Variants in LYPLAL1 observed in about 807,000 individuals in gnomAD.
LYPLAL1 encodes the protein lysophospholipase-like protein 1.
LYPLAL1 carries 23 observed loss-of-function variants against 19.7 expected under a neutral mutation model. The observed-to-expected ratio is 1.17, with a 90% CI of 0.84 to 1.65. The LOEUF is 1.65. Ranked by LOEUF, LYPLAL1 falls within the 40% of genes most tolerant of loss-of-function variation. The pLI, the probability that LYPLAL1 is intolerant of heterozygous loss-of-function variation, is 0.00. For synonymous variants in LYPLAL1, 119 were observed against 96.3 expected, an observed-to-expected ratio of 1.24 and a Z score of -1.38; for missense variants, 355 against 279.4, an observed-to-expected ratio of 1.27 and a Z score of -1.93.
the LYPLAL1 span, among the ~76,000 whole-genome samples, chr1:219,229,320 AG>A: frequency 2.8e-4 from 42 of 149,846 alleles, no homozygotes; most frequent in African/African-American, 8.7e-4. Flanking sequence ...AGAGAGAGAG[AG>A]AGAGAGAGAG....
At chr1:219,278,629 T>C in the LYPLAL1 span, among the ~76,000 whole-genome samples, 3 of 152,224 alleles carry the variant, frequency 2.0e-5, no homozygotes, top group South Asian at 2.1e-4. Context: ...TGAAATTCTT[T>C]CTTATCTTTC....
chr1:219,400,772 T>G, the LYPLAL1 span, among the ~76,000 whole-genome samples: 1 of 152,326 alleles, frequency 6.6e-6, no homozygotes, highest in African/African-American at 2.4e-5. Flanking sequence ...AGTGCCGGGA[T>G]TATAGGCATG....
chr1:219,306,789 CAT>C, the LYPLAL1 span, among the ~76,000 whole-genome samples: 1 of 74,180 alleles, frequency 1.3e-5, no homozygotes, highest in Admixed American at 1.4e-4. Flanking sequence ...TAGATAGATA[CAT>C]AGACAGATGC....
At chr1:219,313,499 C>G in the LYPLAL1 span, among the ~76,000 whole-genome samples, 1 of 148,842 alleles carries the variant, frequency 6.7e-6, no homozygotes, top group Non-Finnish European at 1.5e-5. Flanking sequence ...TAGCATCTTA[C>G]GTTTTCAGAG....
intron 3 of LYPLAL1, among the ~76,000 whole-genome samples, chr1:219,205,500 G>A (rs1352653543): frequency 2.0e-5 from 3 of 152,080 alleles, no homozygotes; most frequent in Non-Finnish European, 4.4e-5. Context: ...CATTGAACAT[G>A]TAGAGTTAGT....
At chr1:219,182,395 T>C (rs977863646) in intron 2 of LYPLAL1, among the ~76,000 whole-genome samples, 13 of 152,126 alleles carry the variant, frequency 8.5e-5, no homozygotes, top group Non-Finnish European at 1.5e-5. Flanking sequence ...TAGCATAATA[T>C]GGCTTCATTT....
the LYPLAL1 span, among the ~76,000 whole-genome samples, chr1:219,245,793 A>T: frequency 6.6e-6 from 1 of 152,196 alleles, no homozygotes; most frequent in East Asian, 1.9e-4. Context: ...TAAGGAGATA[A>T]TTTCATCCTA....
chr1:219,210,326 C>T (rs145376799), intron 3 of LYPLAL1: 10 of 335,540 alleles, frequency 3.0e-5, no homozygotes, highest in African/African-American at 2.1e-4. Context: ...TAGAGCACAG[C>T]TCTCTTTACC....
At chr1:219,323,934 C>T in the LYPLAL1 span, among the ~76,000 whole-genome samples, 1 of 152,162 alleles carries the variant, frequency 6.6e-6, no homozygotes, top group Non-Finnish European at 1.5e-5. Flanking sequence ...GTCTCCTTAC[C>T]TTTCTGAACA....
the LYPLAL1 span, among the ~76,000 whole-genome samples, chr1:219,368,871 T>C: frequency 2.0e-5 from 3 of 152,246 alleles, no homozygotes; most frequent in Non-Finnish European, 4.4e-5. Flanking sequence ...GCAGTAACTA[T>C]GAATGAGCTG....
At chr1:219,337,030 G>A in the LYPLAL1 span, among the ~76,000 whole-genome samples, 1 of 152,068 alleles carries the variant, frequency 6.6e-6, no homozygotes, top group East Asian at 1.9e-4. Flanking sequence ...TTTAGAGGGT[G>A]CTAGCATTCC....
chr1:219,257,374 T>TC, the LYPLAL1 span, among the ~76,000 whole-genome samples: 4 of 146,552 alleles, frequency 2.7e-5, no homozygotes, highest in South Asian at 2.2e-4. Flanking sequence ...TTTTTTTTTT[T>TC]GGTTACTGTT....
the LYPLAL1 span, among the ~76,000 whole-genome samples, chr1:219,416,828 G>GT: frequency 6.6e-6 from 1 of 152,136 alleles, no homozygotes; most frequent in African/African-American, 2.4e-5. Flanking sequence ...GTTGCTGCTG[G>GT]TTTTTTCTCT....
the LYPLAL1 span, among the ~76,000 whole-genome samples, chr1:219,402,215 T>C: frequency 3.3e-5 from 5 of 152,182 alleles, no homozygotes; most frequent in African/African-American, 1.2e-4. Context: ...ATGCCAACAT[T>C]TTATATAATG....
chr1:219,344,007 T>G, the LYPLAL1 span, among the ~76,000 whole-genome samples: 7 of 152,204 alleles, frequency 4.6e-5, no homozygotes, highest in Admixed American at 4.6e-4. Context: ...TTAAATTCTG[T>G]AGCAACTTGA....
At chr1:219,408,682 A>C in the LYPLAL1 span, among the ~76,000 whole-genome samples, 1 of 151,916 alleles carries the variant, frequency 6.6e-6, no homozygotes, top group Non-Finnish European at 1.5e-5. Flanking sequence ...TTTCAAGGAG[A>C]AGATTGAGCT....
the LYPLAL1 span, among the ~76,000 whole-genome samples, chr1:219,249,149 A>G: frequency 6.6e-6 from 1 of 151,980 alleles, no homozygotes; most frequent in Non-Finnish European, 1.5e-5. Context: ...AGTGACTTAC[A>G]TATACTCTCA....
At position 219,212,525 on chromosome 1, in the gene LYPLAL1, C is replaced by A. The variant is rs895091746; in HGVS notation, c.*797C>A. The A allele has an allele frequency of 6.6e-6, 1 of 151,972 alleles. No homozygotes were observed. The highest frequency in any genetic ancestry group is 2.4e-5 in the African/African-American group (1 of 41,404). 9.4% of individuals were successfully genotyped at this position (151,972 alleles called of 1,614,324 possible). The stretch of plus-strand genomic sequence containing the variant: ...AGATGACTGAAAAATTGTATTACTT[C>A]AATGAAAATACTATAAATAATAACA... On this transcript the variant is annotated 3_prime_UTR_variant, in exon 5 of 5. Coordinates refer to ENST00000366928, the MANE Select transcript of LYPLAL1 (RefSeq NM_138794.5).
At chr1:219,390,371 C>A in the LYPLAL1 span, among the ~76,000 whole-genome samples, 1 of 152,116 alleles carries the variant, frequency 6.6e-6, no homozygotes, top group Admixed American at 6.6e-5. Context: ...CTTAAAATCC[C>A]CTCTCTAAAA....
Sources: gnomAD v4.1 joint callset for allele counts (sites outside exome capture counted in the v4.1 genomes callset) on GRCh38, gnomAD v4.1.1 for gene constraint, MANE v1.5 for transcripts, NCBI Gene and HGNC (gene_info 2026-07-23, HGNC 2026-07-21) for gene names.